The following HECW1 variants were observed in gnomAD, a reference collection of about 807,000 sequenced individuals.
The protein encoded by HECW1 is E3 ubiquitin-protein ligase HECW1.
Under a neutral mutation model 182.3 loss-of-function variants are expected in HECW1, and 61 were observed. The observed-to-expected ratio is 0.33, with a 90% CI of 0.27 to 0.41. The LOEUF (loss-of-function observed/expected upper bound fraction) is 0.41. Ranked by LOEUF, HECW1 falls within the 10% of genes least tolerant of loss-of-function variation. The pLI is 1.00. For missense variants in HECW1, 1,739 were observed against 2,108.9 expected (o/e 0.82, Z 3.44); for synonymous variants, 859 against 832.6 (o/e 1.03, Z -0.55).
intron 11 of HECW1, among the ~76,000 whole-genome samples, chr7:43,446,664 AT>A (rs1466144694): frequency 4.6e-5 from 7 of 152,252 alleles, no homozygotes; most frequent in African/African-American, 1.7e-4. Context: ...ATTAAAAAAA[AT>A]AATTTTAAGT....
At chr7:43,345,575 G>C (rs887402966) in intron 5 of HECW1, among the ~76,000 whole-genome samples, 2 of 151,706 alleles carry the variant, frequency 1.3e-5, no homozygotes, top group Admixed American at 6.6e-5. Context: ...TTTATCCCTC[G>C]ATCCCCTCTC....
At chr7:43,275,148 A>G (rs1802954892) in intron 3 of HECW1, among the ~76,000 whole-genome samples, 1 of 152,210 alleles carries the variant, frequency 6.6e-6, no homozygotes, top group South Asian at 2.1e-4. Flanking sequence ...TATATTTAAA[A>G]TAGTGTAAAA....
At chr7:43,485,008 GA>G (rs1563040279) in intron 17 of HECW1, among the ~76,000 whole-genome samples, 1 of 152,216 alleles carries the variant, frequency 6.6e-6, no homozygotes, top group Non-Finnish European at 1.5e-5. Context: ...CATCAATAAG[GA>G]AGGATAAGCA....
chr7:43,384,405 G>A (rs1266262538), intron 6 of HECW1, among the ~76,000 whole-genome samples: 3 of 152,198 alleles, frequency 2.0e-5, no homozygotes, highest in Non-Finnish European at 4.4e-5. Context: ...GCTGCTGCAG[G>A]AAGACAGAGC....
chr7:43,391,053 A>G (rs1371817515), intron 6 of HECW1, among the ~76,000 whole-genome samples: 3 of 152,132 alleles, frequency 2.0e-5, no homozygotes, highest in African/African-American at 7.2e-5. Context: ...AAACCTTTAG[A>G]ATTTGGCAGG....
chr7:43,508,921 C>A (rs759878646), intron 23 of HECW1, 48 bp from the exon 24 acceptor site: 40 of 1,598,502 alleles, frequency 2.5e-5, no homozygotes, highest in South Asian at 3.4e-5. Flanking sequence ...CAGGTCCCCC[C>A]ACCTCCGGGC....
chr7:43,121,954 G>T (rs955106812), intron 2 of HECW1: 2 of 152,180 alleles, frequency 1.3e-5, no homozygotes, highest in African/African-American at 4.8e-5. Context: ...AGTTGAGAAG[G>T]TCTGCATTTC....
intron 6 of HECW1, among the ~76,000 whole-genome samples, chr7:43,361,312 A>G (rs975409971): frequency 6.6e-6 from 1 of 152,120 alleles, no homozygotes; most frequent in Non-Finnish European, 1.5e-5. Context: ...TTTTCTTTGG[A>G]TCACATTTTT....
chr7:43,179,246 A>C (rs765698064), intron 2 of HECW1, among the ~76,000 whole-genome samples: 1 of 152,200 alleles, frequency 6.6e-6, no homozygotes, highest in Non-Finnish European at 1.5e-5. Flanking sequence ...CTCCAACTTG[A>C]ATCGAGCTGT....
At chr7:43,267,671 G>A (rs2152738615) in intron 3 of HECW1, among the ~76,000 whole-genome samples, 1 of 152,044 alleles carries the variant, frequency 6.6e-6, no homozygotes, top group African/African-American at 2.4e-5. Flanking sequence ...ATATTTACTT[G>A]GGGGACCAAA....
chr7:43,300,564 A>G (rs1214210211), intron 3 of HECW1, among the ~76,000 whole-genome samples: 1 of 152,126 alleles, frequency 6.6e-6, no homozygotes, highest in Admixed American at 6.5e-5. Context: ...ATGACTTTAT[A>G]TTGCTAACGG....
intron 2 of HECW1, chr7:43,161,667 T>A (rs1562615193): frequency 1.3e-5 from 2 of 152,200 alleles, no homozygotes; most frequent in Non-Finnish European, 2.9e-5. Context: ...CAAGCTAAGG[T>A]TGGAGAGGTG....
At chr7:43,310,054 T>A (rs549620802) in intron 3 of HECW1, among the ~76,000 whole-genome samples, 2 of 152,254 alleles carry the variant, frequency 1.3e-5, no homozygotes, top group Non-Finnish European at 2.9e-5. Context: ...AGCTGGTAGA[T>A]GCTGCCTCAG....
intron 7 of HECW1, among the ~76,000 whole-genome samples, chr7:43,401,381 A>G (rs556946125): frequency 6.6e-6 from 1 of 152,314 alleles, no homozygotes; most frequent in Admixed American, 6.5e-5. Flanking sequence ...TGGCACATAC[A>G]GAGCCAACAC....
intron 19 of HECW1, among the ~76,000 whole-genome samples, chr7:43,499,724 T>C (rs562782897): frequency 6.6e-6 from 1 of 152,302 alleles, no homozygotes; most frequent in African/African-American, 2.4e-5. Flanking sequence ...TTAACTCCTT[T>C]GAAGCATGCA....
intron 3 of HECW1, among the ~76,000 whole-genome samples, chr7:43,303,220 G>C (rs996293988): frequency 5.3e-5 from 8 of 152,016 alleles, no homozygotes; most frequent in African/African-American, 1.9e-4. Context: ...TCCTAGACTT[G>C]AGCAAAGCAG....
At chr7:43,422,839 C>T (rs1248673246) in intron 8 of HECW1, among the ~76,000 whole-genome samples, 1 of 152,104 alleles carries the variant, frequency 6.6e-6, no homozygotes, top group African/African-American at 2.4e-5. Context: ...GAACAATCAG[C>T]CAGGTTAAGC....
At chr7:43,342,688 TA>T (rs1813143649) in intron 5 of HECW1, among the ~76,000 whole-genome samples, 1 of 151,796 alleles carries the variant, frequency 6.6e-6, no homozygotes, top group South Asian at 2.1e-4. Context: ...ATCTATTTTG[TA>T]AATGACATAT....
chr7:43,462,833 A>G (rs2077635067), intron 13 of HECW1, among the ~76,000 whole-genome samples: 1 of 152,222 alleles, frequency 6.6e-6, no homozygotes, highest in Non-Finnish European at 1.5e-5. Flanking sequence ...CAAGCTCCCC[A>G]ACAAATTCAT....
Sources: gnomAD v4.1 joint callset for allele counts (sites outside exome capture counted in the v4.1 genomes callset) on GRCh38, gnomAD v4.1.1 for gene constraint, MANE v1.5 for transcripts, NCBI Gene and HGNC (gene_info 2026-07-23, HGNC 2026-07-21) for gene names.